Variants in ACCSL observed in about 807,000 individuals in gnomAD.
The protein encoded by ACCSL is probable inactive 1-aminocyclopropane-1-carboxylate synthase-like protein 2.
A neutral mutation model predicts 61.7 loss-of-function variants in ACCSL; 55 were observed. That is an observed-to-expected ratio of 0.89 (90% confidence interval 0.72 to 1.12). The LOEUF is 1.12. Ranked by LOEUF, ACCSL falls within the 50% of genes most tolerant of loss-of-function variation. The pLI is 0.00. For synonymous variants in ACCSL, 258 were observed against 264.3 expected, an observed-to-expected ratio of 0.98 and a Z score of 0.23; for missense variants, 632 against 698.0, an observed-to-expected ratio of 0.91 and a Z score of 1.07.
the ACCSL span, among the ~76,000 whole-genome samples, chr11:44,028,233 T>G: frequency 2.0e-5 from 3 of 152,130 alleles, no homozygotes; most frequent in South Asian, 2.1e-4. Flanking sequence ...GGTGGTATGT[T>G]GTCAGGGCAA....
the ACCSL span, among the ~76,000 whole-genome samples, chr11:43,994,048 C>T: frequency 6.6e-6 from 1 of 152,178 alleles, no homozygotes; most frequent in African/African-American, 2.4e-5. Flanking sequence ...TCTGACAGCT[C>T]CCAGGTGATT....
At chr11:43,987,016 A>G in the ACCSL span, among the ~76,000 whole-genome samples, 1 of 151,982 alleles carries the variant, frequency 6.6e-6, no homozygotes, top group African/African-American at 2.4e-5. Flanking sequence ...CCCCCACTCC[A>G]AGTACTGGCA....
the ACCSL span, among the ~76,000 whole-genome samples, chr11:43,983,030 G>A: frequency 6.6e-6 from 1 of 152,196 alleles, no homozygotes; most frequent in Admixed American, 6.5e-5. Flanking sequence ...CAAGACAGAG[G>A]AGGGGCAGCT....
upstream of ACCSL, among the ~76,000 whole-genome samples, chr11:44,047,515 C>T (rs1952606341): frequency 6.6e-6 from 1 of 152,086 alleles, no homozygotes; most frequent in African/African-American, 2.4e-5. Context: ...CAGCCATAAT[C>T]AAGACATAAA....
the ACCSL span, among the ~76,000 whole-genome samples, chr11:43,924,608 T>TC: frequency 6.6e-6 from 1 of 152,242 alleles, no homozygotes; most frequent in Non-Finnish European, 1.5e-5. Flanking sequence ...CCAAACCCGT[T>TC]CCTGCGGCAC....
the ACCSL span, among the ~76,000 whole-genome samples, chr11:43,965,740 G>C: frequency 2.6e-5 from 4 of 152,288 alleles, no homozygotes; most frequent in Non-Finnish European, 5.9e-5. Context: ...AAACAATGTG[G>C]TACTAGGATA....
At position 44,052,730 on chromosome 11, in the gene ACCSL, G is replaced by A; in HGVS notation, c.841G>A (p.Glu281Lys). 1.9e-6 allele frequency: 3 copies of A among 1,614,102 alleles called. No individual in the cohort carries two copies. The highest frequency in any genetic ancestry group is 2.5e-6 in the Non-Finnish European group (3 of 1,180,008). Reference sequence around the variant, plus strand: ...TAGCTCCCGCCTGTATGCAAAGGTTGAGTTGATTCCTGTCCACCTGGAGAG... The same window carrying A: ...TAGCTCCCGCCTGTATGCAAAGGTTAAGTTGATTCCTGTCCACCTGGAGAG... ...AFSSRLYAKV[E>K]LIPVHLESEV... is the part of the protein sequence containing the mutation. The change falls in exon 6 of 14, where the codon GAG becomes AAG. Residue 281 changes from glutamate (E) to lysine (K), a missense_variant. By Grantham distance (56) the Glu-to-Lys change is moderately conservative. Transcript: ENST00000378832.
the ACCSL span, among the ~76,000 whole-genome samples, chr11:43,967,993 A>G: frequency 2.1e-3 from 317 of 152,158 alleles, no homozygotes; most frequent in African/African-American, 7.2e-3. Flanking sequence ...TCGGTTTATT[A>G]TTATTTTAGA....
At chr11:43,977,538 C>T in the ACCSL span, among the ~76,000 whole-genome samples, 1 of 152,198 alleles carries the variant, frequency 6.6e-6, no homozygotes, top group Admixed American at 6.5e-5. Flanking sequence ...CTTCCTAGAG[C>T]CTCCAGAAGG....
chr11:44,018,871 G>T, the ACCSL span, among the ~76,000 whole-genome samples: 1 of 152,132 alleles, frequency 6.6e-6, no homozygotes, highest in South Asian at 2.1e-4. Context: ...AGCATTTTAA[G>T]GTATATTCAC....
the ACCSL span, among the ~76,000 whole-genome samples, chr11:43,962,914 G>A: frequency 2.5e-3 from 385 of 152,290 alleles, 2 homozygotes; most frequent in African/African-American, 8.8e-3. Context: ...AATAGACAAG[G>A]GAGAATTATC....
the ACCSL span, among the ~76,000 whole-genome samples, chr11:44,038,745 CA>C: frequency 1.6e-4 from 25 of 152,158 alleles, no homozygotes; most frequent in Non-Finnish European, 3.7e-4. Flanking sequence ...AATCAACGGG[CA>C]AAATGACTTT....
upstream of ACCSL, among the ~76,000 whole-genome samples, chr11:44,046,783 A>G (rs1952600609): frequency 6.6e-6 from 1 of 152,194 alleles, no homozygotes; most frequent in Non-Finnish European, 1.5e-5. Context: ...CTTGGGATAT[A>G]AGGATTGTCT....
the ACCSL span, among the ~76,000 whole-genome samples, chr11:44,008,412 G>A: frequency 6.6e-6 from 1 of 152,192 alleles, no homozygotes; most frequent in Non-Finnish European, 1.5e-5. Context: ...TATCTCTCCG[G>A]GACCTCCCAG....
At chr11:43,934,148 G>A in the ACCSL span, among the ~76,000 whole-genome samples, 2 of 152,038 alleles carry the variant, frequency 1.3e-5, no homozygotes, top group Admixed American at 6.5e-5. Context: ...TCCCTCTCGT[G>A]CACACTGACA....
chr11:44,019,162 T>G, the ACCSL span, among the ~76,000 whole-genome samples: 28 of 152,222 alleles, frequency 1.8e-4, no homozygotes, highest in African/African-American at 6.8e-4. Flanking sequence ...TATATCACAC[T>G]TTGTTTAATC....
At chr11:43,993,805 G>A in the ACCSL span, among the ~76,000 whole-genome samples, 3,039 of 152,300 alleles carry the variant, frequency 0.02, 113 homozygotes, top group African/African-American at 0.069. Flanking sequence ...CAGTGGGGAT[G>A]TTTGGAACTC....
chr11:44,033,447 G>C, the ACCSL span, among the ~76,000 whole-genome samples: 45 of 152,126 alleles, frequency 3.0e-4, no homozygotes, highest in African/African-American at 1.1e-3. Flanking sequence ...TGAATTCAGT[G>C]CCTGCCAAAG....
intron 13 of ACCSL, among the ~76,000 whole-genome samples, chr11:44,059,630 T>C (rs138676179): frequency 2.6e-5 from 4 of 152,300 alleles, no homozygotes; most frequent in African/African-American, 9.6e-5. Context: ...CATTGAGATG[T>C]CTCGCAGGCT....
Sources: allele counts gnomAD v4.1 joint callset (sites outside exome capture counted in the v4.1 genomes callset), GRCh38; gene constraint gnomAD v4.1.1; transcripts MANE v1.5; gene names NCBI Gene and HGNC (gene_info 2026-07-23, HGNC 2026-07-21).